Variants in TRMT11 observed in about 807,000 individuals in gnomAD.
The protein encoded by TRMT11 is tRNA methyltransferase 11, also known as tRNA (guanine(10)-N(2))-methyltransferase TRMT11.
A neutral mutation model predicts 62.8 loss-of-function variants in TRMT11; 53 were observed. That is an observed-to-expected ratio of 0.84 (90% CI 0.68 to 1.06). TRMT11 has a LOEUF of 1.06. Ranked by LOEUF, TRMT11 falls within the 50% of genes least tolerant of loss-of-function variation. The pLI, the probability that TRMT11 is intolerant of heterozygous loss-of-function variation, is 0.00. For synonymous variants in TRMT11, 188 were observed against 190.3 expected, an observed-to-expected ratio of 0.99 and a Z score of 0.10; for missense variants, 556 against 553.4, an observed-to-expected ratio of 1.00 and a Z score of -0.05.
chr6:126,268,207 G>T, the TRMT11 span, among the ~76,000 whole-genome samples: 1 of 152,132 alleles, frequency 6.6e-6, no homozygotes, highest in Non-Finnish European at 1.5e-5. Flanking sequence ...AGAAGGAGAA[G>T]AAGAGAGCTA....
chr6:126,243,952 A>G, the TRMT11 span, among the ~76,000 whole-genome samples: 1 of 152,196 alleles, frequency 6.6e-6, no homozygotes, highest in Non-Finnish European at 1.5e-5. Context: ...GCCAGAAGAA[A>G]AAAAGCATAG....
rs367641091 is a variant in TRMT11, at chr6:126,011,986, C to T, written c.925+569C>T. Among the ~76,000 whole-genome samples the T allele has an allele frequency of 5.3e-5, 8 of 152,084 alleles. No homozygotes were observed. In the South Asian group the frequency reaches 6.2e-4, roughly 12 times the overall value. ...TTTATTTTCCCATGCCTCATGAGGT[C>T]GTGAGTTTTTTAGGCAGCCTATCTA... On this transcript the variant is annotated intron_variant, in intron 9 of 12. Coordinates refer to ENST00000334379, the MANE Select transcript of TRMT11 (RefSeq NM_001031712.3).
rs373236248 is a variant in TRMT11, at chr6:126,071,655, C to CT, written c.*1437+18481dup. On this transcript the variant is annotated intron_variant and NMD_transcript_variant, in intron 17 of 22. Transcript: ENST00000648977. ...CGAGAGAGTAAATGGGTTTGCTTTGCTTTTTTTTTTTTTTTTCTCTCAGGA... is the reference window on the plus strand; with the variant it reads ...CGAGAGAGTAAATGGGTTTGCTTTGCTTTTTTTTTTTTTTTTTCTCTCAGGA... Among the ~76,000 whole-genome samples the CT allele has an allele frequency of 4.3e-3, 575 of 133,144 alleles. 2 individuals carry two copies. The highest frequency in any genetic ancestry group is 9.2e-3 in the South Asian group (38 of 4,136). 87.3% of individuals were successfully genotyped at this position (133,144 alleles called of 152,430 possible).
chr6:125,994,991 C>G (rs913616235), intron 2 of TRMT11, among the ~76,000 whole-genome samples: 2 of 152,088 alleles, frequency 1.3e-5, no homozygotes, highest in African/African-American at 4.8e-5. Context: ...GTGGTGGAGT[C>G]TGGTGAAGGA....
At chr6:126,184,349 C>T (rs895733209) in intron 1 of TRMT11, among the ~76,000 whole-genome samples, 10 of 152,266 alleles carry the variant, frequency 6.6e-5, no homozygotes, top group Non-Finnish European at 1.0e-4. Context: ...ATATTGGTCA[C>T]TGACTGGCTA....
At chr6:126,211,690 T>C in the TRMT11 span, among the ~76,000 whole-genome samples, 2 of 151,994 alleles carry the variant, frequency 1.3e-5, no homozygotes, top group African/African-American at 4.8e-5. Context: ...ATAGAGTACA[T>C]GAGATATTTG....
In TRMT11 at chr6:126,008,504, A is replaced by C. The variant is rs772238878; in HGVS notation, c.760+32A>C. 15 of 1,567,008 alleles carry C rather than the reference A, an allele frequency of 9.6e-6. No individual in the cohort carries two copies. In the South Asian group the frequency reaches 1.7e-4, roughly 17 times the overall value. ...AGAGATTATAGACAGTATTATAGTC[A>C]TTGCTGTGGTGCCAAATGTACCTTT... On this transcript the variant is annotated intron_variant, in intron 8 of 12. Coordinates refer to ENST00000334379, the MANE Select transcript of TRMT11 (RefSeq NM_001031712.3).
intron 17 of TRMT11, among the ~76,000 whole-genome samples, chr6:126,112,732 T>C (rs1434148269): frequency 6.6e-6 from 1 of 152,106 alleles, no homozygotes; most frequent in Non-Finnish European, 1.5e-5. Context: ...CATCTGTCAT[T>C]TCTACCACAA....
At chr6:126,169,694 A>T (rs1778309328) in intron 21 of TRMT11, among the ~76,000 whole-genome samples, 2 of 152,194 alleles carry the variant, frequency 1.3e-5, no homozygotes, top group South Asian at 4.1e-4. Context: ...TTGGACTTAA[A>T]CCTGTTTTCT....
intron 21 of TRMT11, among the ~76,000 whole-genome samples, chr6:126,160,775 ATAAAACGTGTTAAAGAC>A (rs1562337276): frequency 2.6e-5 from 4 of 152,130 alleles, no homozygotes; most frequent in Non-Finnish European, 5.9e-5. Context: ...ACTGAGAGCT[ATAAAACGTGTTAAAGAC>A]TAATGATAAT....
chr6:126,156,931 C>T (rs1778128983), intron 21 of TRMT11, among the ~76,000 whole-genome samples: 2 of 152,306 alleles, frequency 1.3e-5, no homozygotes, highest in East Asian at 1.9e-4. Context: ...CATACACAGG[C>T]ATCTTCCTCA....
chr6:126,194,159 G>A (rs946953553), intron 1 of TRMT11, among the ~76,000 whole-genome samples: 2 of 152,130 alleles, frequency 1.3e-5, no homozygotes, highest in Admixed American at 1.3e-4. Flanking sequence ...ATGTATGTTA[G>A]GTCTATTTGA....
At chr6:126,072,022 T>G (rs559595712) in intron 17 of TRMT11, among the ~76,000 whole-genome samples, 8 of 152,298 alleles carry the variant, frequency 5.3e-5, no homozygotes, top group African/African-American at 1.9e-4. Flanking sequence ...CTGAGCTCAG[T>G]GCTAACTAGC....
intron 12 of TRMT11, among the ~76,000 whole-genome samples, chr6:126,028,606 G>C (rs950109030): frequency 6.6e-6 from 1 of 152,096 alleles, no homozygotes; most frequent in African/African-American, 2.4e-5. Context: ...TTCTTTTGCT[G>C]TTTGTGGTAC....
chr6:125,989,385 G>A (rs545552870), intron 1 of TRMT11, among the ~76,000 whole-genome samples: 2 of 152,200 alleles, frequency 1.3e-5, no homozygotes, highest in South Asian at 4.2e-4. Flanking sequence ...CTCATGCTGG[G>A]ATTACAGGCA....
intron 1 of TRMT11, among the ~76,000 whole-genome samples, chr6:126,191,291 A>G (rs1236891901): frequency 6.6e-6 from 1 of 151,804 alleles, no homozygotes; most frequent in Admixed American, 6.6e-5. Flanking sequence ...TCAGATTACT[A>G]GTTTTTTTTC....
the TRMT11 span, among the ~76,000 whole-genome samples, chr6:126,270,266 A>T: frequency 6.6e-6 from 1 of 152,168 alleles, no homozygotes; most frequent in Non-Finnish European, 1.5e-5. Context: ...TTATTACAGA[A>T]TTCGACAAAA....
At chr6:126,033,535 G>C (rs574606667) in intron 12 of TRMT11, among the ~76,000 whole-genome samples, 1 of 152,228 alleles carries the variant, frequency 6.6e-6, no homozygotes, top group Admixed American at 6.5e-5. Context: ...GTCGGACACT[G>C]AGACAGTGTT....
intron 7 of TRMT11, chr6:126,007,028 C>G (rs1326307421): frequency 1.3e-5 from 2 of 151,938 alleles, no homozygotes; most frequent in African/African-American, 4.8e-5. Flanking sequence ...GTGAGTATTC[C>G]AAGTCATCAC....
Sources: gnomAD v4.1 joint callset for allele counts (sites outside exome capture counted in the v4.1 genomes callset) on GRCh38, gnomAD v4.1.1 for gene constraint, MANE v1.5 for transcripts, NCBI Gene and HGNC (gene_info 2026-07-23, HGNC 2026-07-21) for gene names.